WDR18: variants seen among roughly 807,000 people sequenced by gnomAD.
WDR18 encodes the protein WD repeat domain 18.
In WDR18, 33 loss-of-function variants were observed where a neutral mutation model predicts 49.6. That is an observed-to-expected ratio of 0.67 (90% confidence interval 0.50 to 0.89). The LOEUF (loss-of-function observed/expected upper bound fraction) is 0.89, where lower values mean the gene tolerates loss of function less well. Among genes scored for constraint, WDR18 ranks in the 40% least tolerant of loss-of-function variants. The pLI is 0.00. For synonymous variants in WDR18, 315 were observed against 263.6 expected, an observed-to-expected ratio of 1.19 and a Z score of -1.89; for missense variants, 653 against 593.6, an observed-to-expected ratio of 1.10 and a Z score of -1.04.
intron 4 of WDR18, 30 bp from the exon 5 acceptor site, chr19:990,822 C>G (rs762042842): frequency 1.3e-6 from 2 of 1,568,556 alleles, no homozygotes; most frequent in South Asian, 2.4e-5. Flanking sequence ...CCCTGCCGGG[C>G]CGAGCCCCAC....
chr19:986,174 C>G (rs1341593179), intron 2 of WDR18, among the ~76,000 whole-genome samples, 199 bp downstream of exon 2: 1 of 152,220 alleles, frequency 6.6e-6, no homozygotes, highest in Non-Finnish European at 1.5e-5. Flanking sequence ...CAGCCCTAAT[C>G]CTGCCTTGAG....
Position 994,104 on chromosome 19 carries a change from G to T in WDR18, c.1167+16G>T, listed in dbSNP as rs2038598393. On this transcript the variant is annotated intron_variant, in intron 9 of 9. Transcript: ENST00000585809. ...CATGGAGAAGGTGGGCGGGGCCTCG[G>T]GAGGGGCGGGGCCTGAGGCTGGGGT... The T allele has an allele frequency of 1.3e-6, 2 of 1,551,410 alleles. No individual in the cohort carries two copies. The highest frequency in any genetic ancestry group is 1.4e-5 in the African/African-American group (1 of 73,436).
intron 2 of WDR18, among the ~76,000 whole-genome samples, chr19:986,254 G>A (rs1376567821): frequency 6.6e-6 from 1 of 152,182 alleles, no homozygotes; most frequent in East Asian, 1.9e-4. Flanking sequence ...AGGGCTAGCG[G>A]GCATCTCTTC....
chr19:993,690 A>G (rs2038590861), intron 8 of WDR18, among the ~76,000 whole-genome samples: 1 of 151,400 alleles, frequency 6.6e-6, no homozygotes, highest in South Asian at 2.1e-4. Flanking sequence ...TGTGTCCCAG[A>G]GCCTTCCCTG....
chr19:990,028 C>T, intron 3 of WDR18, 133 bp downstream of exon 3: 1 of 1,437,096 alleles, frequency 7.0e-7, no homozygotes, highest in Non-Finnish European at 9.2e-7. Context: ...AGTGATCATC[C>T]CAGGGGTCCT....
rs1411788480 is a variant in WDR18 at position 994,345 on chromosome 19, G to A, written c.*1G>A. The A allele has an allele frequency of 1.2e-6, 2 of 1,607,776 alleles. No homozygotes were observed. Among genetic ancestry groups the A allele is most frequent in the African/African-American group, 1.3e-5 (1 of 74,848 alleles). On this transcript the variant is annotated 3_prime_UTR_variant, in exon 10 of 10. Coordinates refer to ENST00000585809, the MANE Select transcript of WDR18 (RefSeq NM_024100.4). ...CTTCATCACGCGGCCGGCCAAGTGA[G>A]GCCCGGAGACCCCGGCCCGAGGCGC...
chr19:984,859 G>C (rs1304293890), intron 1 of WDR18, among the ~76,000 whole-genome samples: 1 of 152,208 alleles, frequency 6.6e-6, no homozygotes, highest in African/African-American at 2.4e-5. Context: ...ACGAGTTCTT[G>C]GAGCGCGAAA....
chr19:988,625 G>A (rs564394043), intron 2 of WDR18, among the ~76,000 whole-genome samples: 2 of 152,252 alleles, frequency 1.3e-5, no homozygotes, highest in South Asian at 2.1e-4. Flanking sequence ...ACAGAAACTC[G>A]GCCCCCATCC....
At chr19:993,095 G>C (rs767631048) in intron 8 of WDR18, among the ~76,000 whole-genome samples, 1 of 152,214 alleles carries the variant, frequency 6.6e-6, no homozygotes, top group African/African-American at 2.4e-5. Context: ...CTGGGCATCC[G>C]CAAGGCCCCT....
chr19:985,935 A>C lies in WDR18; in HGVS notation c.281A>C (p.Tyr94Ser). 6.2e-7 allele frequency: 1 copy of C among 1,613,846 alleles called. No homozygotes were observed. Reference protein sequence around the residue: ...TCLTASPNGLYVLAGVAESIH... With the variant: ...TCLTASPNGLSVLAGVAESIH... ...CTGACTGCATCACCCAATGGTCTCTACGTCCTGGCAGGAGTTGCAGAAAGC... is the reference window on the plus strand; with the variant it reads ...CTGACTGCATCACCCAATGGTCTCTCCGTCCTGGCAGGAGTTGCAGAAAGC... Residue 94 changes from tyrosine (Y) to serine (S), a missense_variant, in exon 2 of 10, where the codon TAC becomes TCC. Transcript: ENST00000585809.
chr19:990,114 C>T, intron 3 of WDR18, 109 bp from the exon 4 acceptor site: 1 of 1,409,890 alleles, frequency 7.1e-7, no homozygotes, highest in Non-Finnish European at 9.4e-7. Context: ...GTGAGGCAGG[C>T]CAGGCTGCTG....
upstream of WDR18, chr19:984,190 A>G: frequency 1.3e-6 from 1 of 751,254 alleles, no homozygotes; most frequent in South Asian, 2.2e-5. Flanking sequence ...GTCTCAGGTA[A>G]GCGGGAAATC....
In WDR18 at chr19:992,035, C is replaced by T. The variant is rs777174602; in HGVS notation, c.1012C>T (p.His338Tyr). ...CTTCAGGCCCAGCCTGCCGCTGCCC[C>T]ACTTCAACAAGCACCTGCTGGGCGC... ...SDFRPSLPLP[H>Y]FNKHLLGAEH... The change falls in exon 8 of 10, where the codon CAC becomes TAC. Residue 338 changes from histidine (H) to tyrosine (Y), a missense_variant. By Grantham distance (83) the His-to-Tyr change is moderately conservative (BLOSUM62 2). Coordinates refer to ENST00000585809, the MANE Select transcript of WDR18 (RefSeq NM_024100.4). 3.1e-6 allele frequency: 5 copies of T among 1,592,764 alleles called. No individual in the cohort carries two copies. Among genetic ancestry groups the T allele is most frequent in the African/African-American group, 2.7e-5 (2 of 73,074 alleles).
At chr19:992,212 C>G (rs1309495724) in intron 8 of WDR18, 91 bp downstream of exon 8, 22 of 1,358,902 alleles carry the variant, frequency 1.6e-5, no homozygotes, top group Non-Finnish European at 2.1e-5. Context: ...TCCTGGCGCC[C>G]GTGCGGCGGT....
In WDR18 at chr19:989,788, C is replaced by T. The variant is rs375783810; in HGVS notation, c.348C>T (p.Ile116=). 10 of 1,612,764 alleles carry T rather than the reference C, an allele frequency of 6.2e-6. No individual in the cohort carries two copies. The highest frequency in any genetic ancestry group is 7.6e-6 in the Non-Finnish European group (9 of 1,179,914). Residue 116 remains isoleucine, a synonymous_variant, in exon 3 of 10, where the codon ATC becomes ATT. Transcript: ENST00000585809. ...TCTCCACCGGGAACCTTCTGGTCATCCTGAGTCGACACTACCAGGACGTCT... is the reference window on the plus strand; with the variant it reads ...TCTCCACCGGGAACCTTCTGGTCATTCTGAGTCGACACTACCAGGACGTCT... ...WEVSTGNLLV[I]LSRHYQDVSC... is the part of the protein sequence containing the mutation.
intron 4 of WDR18, 145 bp downstream of exon 4, chr19:990,509 G>A: frequency 5.7e-6 from 7 of 1,221,776 alleles, no homozygotes; most frequent in Non-Finnish European, 7.6e-6. Flanking sequence ...TGAGCCCAAG[G>A]ACGTCCAGGG....
Position 994,198 on chromosome 19 carries a change from C to T in WDR18, c.1168-15C>T, listed in dbSNP as rs779932147. On this transcript the variant is annotated splice_polypyrimidine_tract_variant and intron_variant, in intron 9 of 9. Transcript: ENST00000585809. ...CCAGGCCACTTCTGCCCTCTGACCCCGACTTCTCCCGCAGAGCGTGCTCGG... is the reference window on the plus strand; with the variant it reads ...CCAGGCCACTTCTGCCCTCTGACCCTGACTTCTCCCGCAGAGCGTGCTCGG... 30 of 1,590,316 alleles carry T rather than the reference C, an allele frequency of 1.9e-5. No homozygotes were observed. The highest frequency in any genetic ancestry group is 1.5e-4 in the African/African-American group (11 of 74,604).
At chr19:989,394 C>T (rs528883635) in intron 2 of WDR18, among the ~76,000 whole-genome samples, 11 of 152,260 alleles carry the variant, frequency 7.2e-5, no homozygotes, top group African/African-American at 2.2e-4. Context: ...TGGTGGGAGC[C>T]GCCTGCAGGT....
In WDR18 at chr19:985,894, C is replaced by G. The variant is rs1284611107; in HGVS notation, c.240C>G (p.Pro80=). ...AGCTCCAGCAGAAGATCATGTGCCCCGGGCCTGTCACCTGTCTGACTGCAT... is the reference window on the plus strand; with the variant it reads ...AGCTCCAGCAGAAGATCATGTGCCCGGGGCCTGTCACCTGTCTGACTGCAT... ...KDQLQQKIMC[P]GPVTCLTASP... Residue 80 remains proline (P), a synonymous_variant, in exon 2 of 10, where the codon CCC becomes CCG. Coordinates refer to ENST00000585809, the MANE Select transcript of WDR18 (RefSeq NM_024100.4). 2 of 1,613,764 alleles carry G rather than the reference C, an allele frequency of 1.2e-6. No individual in the cohort carries two copies. Among genetic ancestry groups the G allele is most frequent in the African/African-American group, 1.3e-5 (1 of 74,918 alleles).
Sources: allele counts gnomAD v4.1 joint callset (sites outside exome capture counted in the v4.1 genomes callset), GRCh38; gene constraint gnomAD v4.1.1; transcripts MANE v1.5; gene names NCBI Gene and HGNC (gene_info 2026-07-23, HGNC 2026-07-21).